LRRC37A2: variants seen among roughly 807,000 people sequenced by gnomAD.
LRRC37A2 encodes leucine rich repeat containing 37 member A2.
A neutral mutation model predicts 68.8 loss-of-function variants in LRRC37A2; 9 were observed. The ratio of observed to expected loss-of-function variants is 0.13; its 90% CI spans 0.08 to 0.23. The LOEUF (loss-of-function observed/expected upper bound fraction) is 0.23, where lower values mean the gene tolerates loss of function less well. Ranked by LOEUF, LRRC37A2 falls within the 10% of genes least tolerant of loss-of-function variation. The pLI, the probability that LRRC37A2 is intolerant of heterozygous loss-of-function variation, is 1.00. For synonymous variants in LRRC37A2, 63 were observed against 367.6 expected (o/e 0.17, Z 9.48); for missense variants, 168 against 950.4 (o/e 0.18, Z 10.82).
chr17:46,494,291 A>C, the LRRC37A2 span, among the ~76,000 whole-genome samples: 1 of 149,984 alleles, frequency 6.7e-6, no homozygotes, highest in Non-Finnish European at 1.5e-5. Context: ...ATAAGTTTTA[A>C]ATTTTGATGA....
At chr17:46,819,955 G>A in the LRRC37A2 span, among the ~76,000 whole-genome samples, 5 of 152,374 alleles carry the variant, frequency 3.3e-5, no homozygotes, top group East Asian at 9.6e-4. This position sits in a 1 kb window ranked among gnomAD's most constrained non-coding sequence, Gnocchi z 5.3. Context: ...CCCCGGTCTG[G>A]GGTGAAGGAA....
the LRRC37A2 span, chr17:46,930,866 T>TA: frequency 5.4e-5 from 26 of 480,284 alleles, no homozygotes; most frequent in Non-Finnish European, 8.9e-5. Flanking sequence ...TCAGCTTTTT[T>TA]AAAAAATTGG....
At chr17:46,878,259 G>C in the LRRC37A2 span, among the ~76,000 whole-genome samples, 1 of 152,212 alleles carries the variant, frequency 6.6e-6, no homozygotes, top group Admixed American at 6.5e-5. Context: ...CCTAAACCTA[G>C]AGTTGCTGAC....
the LRRC37A2 span, chr17:46,722,002 A>G: frequency 6.2e-7 from 1 of 1,608,338 alleles, no homozygotes; most frequent in Non-Finnish European, 8.5e-7. Flanking sequence ...CTTTCCGACC[A>G]CCACCAACTT....
chr17:46,504,875 TTAA>T, the LRRC37A2 span, among the ~76,000 whole-genome samples: 1 of 124,474 alleles, frequency 8.0e-6, no homozygotes, highest in Admixed American at 8.2e-5. Flanking sequence ...GATTTATTAA[TTAA>T]TAAATTGATT....
At chr17:47,020,156 A>G in the LRRC37A2 span, among the ~76,000 whole-genome samples, 84 of 150,868 alleles carry the variant, frequency 5.6e-4, no homozygotes, top group East Asian at 1.6e-3. Context: ...AGTTGATTCC[A>G]GAGCCAGGCT....
chr17:46,791,986 G>A, the LRRC37A2 span, among the ~76,000 whole-genome samples: 5 of 152,304 alleles, frequency 3.3e-5, no homozygotes, highest in South Asian at 1.0e-3. Context: ...GCTGTAGTAA[G>A]CTGTGATTGC....
chr17:46,975,747 C>A, the LRRC37A2 span, among the ~76,000 whole-genome samples: 6 of 152,138 alleles, frequency 3.9e-5, no homozygotes, highest in Admixed American at 3.3e-4. Context: ...CCCAAACACA[C>A]GTTAGTACAC....
Position 46,533,578 on chromosome 17 carries a change from C to T in LRRC37A2, c.2907-6598C>T, listed in dbSNP as rs553763938. 1.4e-4 allele frequency among the ~76,000 whole-genome samples: 17 copies of T among 123,974 alleles called. No individual in the cohort carries two copies. The East Asian group carries it at 2.3e-3, about 17-fold the overall frequency. The allele number at this position is 123,974 out of a possible 152,430, so 81.3% of individuals were successfully genotyped here. On this transcript the variant is annotated intron_variant, in intron 6 of 14. Transcript: ENST00000576629. Reference sequence around the variant, plus strand: ...GTGCAGTGGCACAATCTTTACTCGCCGCAACCTCTGCCTCCCAGGTTCAAG... The same window carrying T: ...GTGCAGTGGCACAATCTTTACTCGCTGCAACCTCTGCCTCCCAGGTTCAAG...
At chr17:46,921,775 A>T in the LRRC37A2 span, among the ~76,000 whole-genome samples, 4 of 152,332 alleles carry the variant, frequency 2.6e-5, no homozygotes, top group South Asian at 8.3e-4. Flanking sequence ...AATCAAAACC[A>T]CAATGAGATA....
the LRRC37A2 span, among the ~76,000 whole-genome samples, chr17:46,722,574 C>T: frequency 1.3e-5 from 2 of 152,166 alleles, no homozygotes; most frequent in Admixed American, 1.3e-4. Context: ...GCTAACCTCA[C>T]GTACTTGCCA....
the LRRC37A2 span, among the ~76,000 whole-genome samples, chr17:46,915,799 C>T: frequency 1.2e-4 from 19 of 152,208 alleles, no homozygotes; most frequent in Non-Finnish European, 2.4e-4. Context: ...TCCAGGGCAA[C>T]CTGACAAGTA....
chr17:46,605,203 G>A, the LRRC37A2 span, among the ~76,000 whole-genome samples: 2 of 73,480 alleles, frequency 2.7e-5, no homozygotes, highest in African/African-American at 1.1e-4. Flanking sequence ...TGTAATCCCA[G>A]CACTTTGGGA....
chr17:46,379,874 T>G, the LRRC37A2 span, among the ~76,000 whole-genome samples: 16 of 42,314 alleles, frequency 3.8e-4, 3 homozygotes, highest in Non-Finnish European at 7.6e-4. Flanking sequence ...CTGTTTTTTT[T>G]TTTTTTTTTT....
chr17:46,770,156 G>A, the LRRC37A2 span: 1 of 1,403,160 alleles, frequency 7.1e-7, no homozygotes, highest in Non-Finnish European at 9.4e-7. Context: ...AGGAAGAGTT[G>A]AAGAGCTCAC....
At chr17:46,453,837 A>T in the LRRC37A2 span, among the ~76,000 whole-genome samples, 1 of 19,452 alleles carries the variant, frequency 5.1e-5, no homozygotes, top group Admixed American at 6.4e-4. Context: ...ATTTTGAAAG[A>T]CTTCACATGT....
At chr17:46,787,691 C>T in the LRRC37A2 span, among the ~76,000 whole-genome samples, 8 of 152,232 alleles carry the variant, frequency 5.3e-5, no homozygotes, top group Non-Finnish European at 1.0e-4. Flanking sequence ...CGGTGGCTCA[C>T]GCCTGTATTC....
the LRRC37A2 span, chr17:46,935,487 C>T: frequency 3.7e-6 from 5 of 1,359,490 alleles, no homozygotes; most frequent in East Asian, 1.1e-4. Context: ...AATTGTGTTA[C>T]AGAATCTACT....
the LRRC37A2 span, chr17:46,940,864 G>T: frequency 7.0e-7 from 1 of 1,426,778 alleles, no homozygotes; most frequent in East Asian, 2.6e-5. Context: ...GGGGCATTGA[G>T]ACTGCATGTT....
Sources: gnomAD v4.1 joint callset for allele counts (sites outside exome capture counted in the v4.1 genomes callset) on GRCh38, gnomAD v4.1.1 for gene constraint, Gnocchi (gnomAD v3.1) non-coding constraint, MANE v1.5 for transcripts, NCBI Gene and HGNC (gene_info 2026-07-23, HGNC 2026-07-21) for gene names.